PRR5L: variants seen among roughly 807,000 people sequenced by gnomAD.
The protein encoded by PRR5L is proline-rich protein 5-like.
In PRR5L, 21 loss-of-function variants were observed where a neutral mutation model predicts 36.4. That is an observed-to-expected ratio of 0.58 (90% CI 0.41 to 0.83). The LOEUF (loss-of-function observed/expected upper bound fraction) is 0.83, where lower values mean the gene tolerates loss of function less well. PRR5L is among the 40% of genes least tolerant of loss of function. The pLI, the probability that PRR5L is intolerant of heterozygous loss-of-function variation, is 0.00. For synonymous variants in PRR5L, 188 were observed against 197.0 expected, an observed-to-expected ratio of 0.95 and a Z score of 0.38; for missense variants, 381 against 473.3, an observed-to-expected ratio of 0.80 and a Z score of 1.81.
chr11:36,426,200 C>T (rs1320846042), intron 4 of PRR5L: 5 of 152,230 alleles, frequency 3.3e-5, no homozygotes, highest in Non-Finnish European at 7.3e-5. Context: ...CATAGGACAC[C>T]TCTCTAAGGC....
chr11:36,301,052 C>G (rs1414847363), intron 1 of PRR5L: 1 of 152,330 alleles, frequency 6.6e-6, no homozygotes, highest in African/African-American at 2.4e-5. Flanking sequence ...CTGAGCTTCT[C>G]TCCAGTTCTC....
At chr11:36,369,669 C>T (rs934769056) in intron 1 of PRR5L, among the ~76,000 whole-genome samples, 20 of 152,098 alleles carry the variant, frequency 1.3e-4, no homozygotes, top group Non-Finnish European at 2.8e-4. Flanking sequence ...GATCTCAGCT[C>T]ACCACACCTC....
At chr11:36,329,588 A>C (rs1266760071) in intron 1 of PRR5L, among the ~76,000 whole-genome samples, 1 of 152,230 alleles carries the variant, frequency 6.6e-6, no homozygotes, top group Non-Finnish European at 1.5e-5. Flanking sequence ...CTTGTTTATA[A>C]ATAAGTCATC....
intron 1 of PRR5L, among the ~76,000 whole-genome samples, chr11:36,386,749 G>A (rs190791466): frequency 8.5e-5 from 13 of 152,248 alleles, no homozygotes; most frequent in Admixed American, 7.2e-4. Flanking sequence ...CCTATGCTTC[G>A]GTTTCTTCAT....
intron 3 of PRR5L, among the ~76,000 whole-genome samples, chr11:36,412,317 G>A (rs1167710184): frequency 6.6e-6 from 1 of 152,162 alleles, no homozygotes; most frequent in East Asian, 1.9e-4. Context: ...ATTGTTGACA[G>A]TGGTGTCCAG....
chr11:36,352,989 T>TTTTG (rs1424203773), intron 1 of PRR5L, among the ~76,000 whole-genome samples: 1 of 152,174 alleles, frequency 6.6e-6, no homozygotes, highest in Non-Finnish European at 1.5e-5. Flanking sequence ...AAATATTTGG[T>TTTTG]TTTGTTTGTT....
chr11:36,297,853 T>G (rs1006127022), intron 1 of PRR5L, among the ~76,000 whole-genome samples: 1 of 152,158 alleles, frequency 6.6e-6, no homozygotes, highest in African/African-American at 2.4e-5. Flanking sequence ...GCTTCCATCC[T>G]TCTCTCCTCT....
intron 1 of PRR5L, among the ~76,000 whole-genome samples, chr11:36,347,608 G>A (rs1856880019): frequency 6.6e-6 from 1 of 151,948 alleles, no homozygotes; most frequent in Admixed American, 6.6e-5. Context: ...AGCTTGCTGA[G>A]CCTGAAGAAG....
chr11:36,455,923 G>A (rs987618441), intron 8 of PRR5L, among the ~76,000 whole-genome samples: 1 of 152,182 alleles, frequency 6.6e-6, no homozygotes, highest in African/African-American at 2.4e-5. Flanking sequence ...CTGTGGTCCT[G>A]GCTCTGCCCA....
intron 1 of PRR5L, among the ~76,000 whole-genome samples, chr11:36,390,869 G>A (rs111263464): frequency 6.6e-6 from 1 of 152,198 alleles, no homozygotes; most frequent in African/African-American, 2.4e-5. Context: ...TGATCATCAA[G>A]GTTGTCATTA....
chr11:36,412,317 GT>G, intron 3 of PRR5L, among the ~76,000 whole-genome samples: 1 of 152,280 alleles, frequency 6.6e-6, no homozygotes, highest in South Asian at 2.1e-4. Context: ...ATTGTTGACA[GT>G]GGTGTCCAGC....
chr11:36,446,487 G>C, intron 7 of PRR5L, 47 bp downstream of exon 7: 1 of 1,604,952 alleles, frequency 6.2e-7, no homozygotes, highest in Non-Finnish European at 8.5e-7. Context: ...GAGGGAGCGA[G>C]GGAAGAGATT....
chr11:36,341,024 C>T (rs899227417), intron 1 of PRR5L, among the ~76,000 whole-genome samples: 2 of 152,172 alleles, frequency 1.3e-5, no homozygotes, highest in African/African-American at 2.4e-5. Context: ...AGCCCATAAA[C>T]AAATGTAATC....
chr11:36,420,359 A>T (rs1267508546), intron 4 of PRR5L, among the ~76,000 whole-genome samples: 4 of 152,192 alleles, frequency 2.6e-5, no homozygotes, highest in Admixed American at 2.6e-4. Context: ...GGTCAAGATC[A>T]CAGCCTTTAG....
chr11:36,449,611 A>C (rs1484286541), intron 7 of PRR5L, among the ~76,000 whole-genome samples: 1 of 152,232 alleles, frequency 6.6e-6, no homozygotes, highest in Non-Finnish European at 1.5e-5. Context: ...CAGGGGCCCC[A>C]GCCAGGCAGG....
At chr11:36,369,275 G>GAAA (rs1461126724) in intron 1 of PRR5L, among the ~76,000 whole-genome samples, 5 of 152,172 alleles carry the variant, frequency 3.3e-5, no homozygotes, top group Admixed American at 2.6e-4. Flanking sequence ...GTGTTGTGAG[G>GAAA]AAACCAGAAG....
At chr11:36,346,004 C>A (rs942980248) in intron 1 of PRR5L, among the ~76,000 whole-genome samples, 2 of 152,194 alleles carry the variant, frequency 1.3e-5, no homozygotes, top group African/African-American at 4.8e-5. Flanking sequence ...GGCTGTATTT[C>A]TCTTGAGAGC....
At chr11:36,417,440 C>G (rs1017516558) in intron 3 of PRR5L, among the ~76,000 whole-genome samples, 2 of 152,136 alleles carry the variant, frequency 1.3e-5, no homozygotes, top group African/African-American at 4.8e-5. Flanking sequence ...ACTAGTGATG[C>G]CCAACCCGCT....
intron 6 of PRR5L, among the ~76,000 whole-genome samples, chr11:36,443,075 A>G (rs1487601428): frequency 6.6e-6 from 1 of 152,146 alleles, no homozygotes; most frequent in Non-Finnish European, 1.5e-5. Flanking sequence ...TGGGTAATTT[A>G]TTTATTTAAA....
Sources: allele counts gnomAD v4.1 joint callset (sites outside exome capture counted in the v4.1 genomes callset), GRCh38; gene constraint gnomAD v4.1.1; transcripts MANE v1.5; gene names NCBI Gene and HGNC (gene_info 2026-07-23, HGNC 2026-07-21).